Variants in VTCN1 observed in about 807,000 individuals in gnomAD.
VTCN1 encodes the protein V-set domain containing T cell activation inhibitor 1.
A neutral mutation model predicts 26.5 loss-of-function variants in VTCN1; 26 were observed. The ratio of observed to expected loss-of-function variants is 0.98; its 90% CI spans 0.72 to 1.36. The LOEUF (loss-of-function observed/expected upper bound fraction) is 1.36. VTCN1 is among the 40% of genes most tolerant of loss of function. The pLI is 0.00. For synonymous variants in VTCN1, 116 were observed against 130.7 expected, an observed-to-expected ratio of 0.89 and a Z score of 0.77; for missense variants, 298 against 337.7, an observed-to-expected ratio of 0.88 and a Z score of 0.92.
chr1:117,160,954 G>C (rs192325672), intron 2 of VTCN1, among the ~76,000 whole-genome samples: 1 of 152,266 alleles, frequency 6.6e-6, no homozygotes, highest in East Asian at 1.9e-4. Flanking sequence ...ATTATAGCTA[G>C]AAAAGGAGGA....
chr1:117,192,553 A>G (rs949819178), intron 1 of VTCN1, among the ~76,000 whole-genome samples: 5 of 152,218 alleles, frequency 3.3e-5, no homozygotes, highest in African/African-American at 1.2e-4. Flanking sequence ...TATAAAAGTT[A>G]AAAGACAACA....
Position 117,159,870 on chromosome 1 carries a change from T to G in VTCN1, c.98-2949A>C, listed in dbSNP as rs1466632780. 6.6e-6 allele frequency among the ~76,000 whole-genome samples: 1 copy of G among 152,216 alleles called. No individual in the cohort carries two copies. The highest frequency in any genetic ancestry group is 1.5e-5 in the Non-Finnish European group (1 of 68,034). On this transcript the variant is annotated intron_variant, in intron 2 of 5. Transcript: ENST00000369458. This position sits in a 1 kb window ranked among gnomAD's most constrained non-coding sequence, Gnocchi z 4.7. ...AATTCAGTTGATTTTTGGTTTAAAATGAAAGCCACCCTCTCCTCTACTGAC... is the reference window on the plus strand; with the variant it reads ...AATTCAGTTGATTTTTGGTTTAAAAGGAAAGCCACCCTCTCCTCTACTGAC...
chr1:117,180,112 T>A (rs995179423), intron 1 of VTCN1, among the ~76,000 whole-genome samples: 2 of 151,982 alleles, frequency 1.3e-5, no homozygotes, highest in African/African-American at 2.4e-5. Flanking sequence ...TTGAAAAAAA[T>A]TTCTCTCCCC....
At chr1:117,176,124 A>G (rs529732425) in intron 1 of VTCN1, among the ~76,000 whole-genome samples, 1 of 152,300 alleles carries the variant, frequency 6.6e-6, no homozygotes, top group Non-Finnish European at 1.5e-5. Flanking sequence ...ATGGCATGGC[A>G]TAACAAGAGC....
rs1170584748 is a variant in VTCN1, at chr1:117,169,604, G to A, written c.97+503C>T. Among the ~76,000 whole-genome samples, 1 of 152,162 alleles carries A rather than the reference G, an allele frequency of 6.6e-6. No homozygotes were observed. Among genetic ancestry groups the A allele is most frequent in the East Asian group, 1.9e-4 (1 of 5,184 alleles). On this transcript the variant is annotated intron_variant, in intron 2 of 5. Coordinates refer to ENST00000369458, the MANE Select transcript of VTCN1 (RefSeq NM_024626.4). This position sits in a 1 kb window ranked among gnomAD's most constrained non-coding sequence, Gnocchi z 4.0. ...CAGTATCTCCCCACTCAAAAATGAG[G>A]AAACTAGCCTGGGCACGGTGGCTCA...
At chr1:117,176,546 CCTT>C (rs1647364043) in intron 1 of VTCN1, among the ~76,000 whole-genome samples, 1 of 152,204 alleles carries the variant, frequency 6.6e-6, no homozygotes, top group African/African-American at 2.4e-5. Flanking sequence ...GTTTCTGCCT[CCTT>C]CTCAAATACT....
rs144508898 is a variant in VTCN1 at position 117,156,661 on chromosome 1, C to T, written c.358G>A (p.Val120Met). ...VGNASLRLKN[V>M]QLTDAGTYKC... Reference sequence around the variant, plus strand: ...TAGGTGCCAGCATCTGTGAGTTGCACGTTTTTCAGCCGCAAAGAGGCATTG... The same window carrying T: ...TAGGTGCCAGCATCTGTGAGTTGCATGTTTTTCAGCCGCAAAGAGGCATTG... The change falls in exon 3 of 6, where the codon GTG becomes ATG. Residue 120 changes from valine (V) to methionine (M), a missense_variant. Val to Met is a conservative substitution (Grantham distance 21). Coordinates refer to ENST00000369458, the MANE Select transcript of VTCN1 (RefSeq NM_024626.4). 5.0e-5 allele frequency: 81 copies of T among 1,614,102 alleles called. No individual in the cohort carries two copies. The highest frequency in any genetic ancestry group is 2.9e-4 in the South Asian group (26 of 91,082).
At chr1:117,185,065 TAGGATA>T (rs1647868664) in intron 1 of VTCN1, among the ~76,000 whole-genome samples, 2 of 152,168 alleles carry the variant, frequency 1.3e-5, no homozygotes, top group South Asian at 4.1e-4. Context: ...CTTAAGAAGT[TAGGATA>T]AATAACTAGC....
intron 4 of VTCN1, among the ~76,000 whole-genome samples, chr1:117,150,071 G>C (rs1388147904): frequency 6.6e-6 from 1 of 152,150 alleles, no homozygotes; most frequent in Non-Finnish European, 1.5e-5. Flanking sequence ...CTTTTTACTG[G>C]GAACTGGACT....
intron 4 of VTCN1, among the ~76,000 whole-genome samples, chr1:117,149,742 A>G (rs1057155708): frequency 1.3e-5 from 2 of 152,232 alleles, no homozygotes; most frequent in Non-Finnish European, 2.9e-5. Flanking sequence ...CACACAATAG[A>G]TATTTGTTAA....
Position 117,169,827 on chromosome 1 carries a change from G to A in VTCN1, c.97+280C>T, listed in dbSNP as rs1652805071. 6.6e-6 allele frequency among the ~76,000 whole-genome samples: 1 copy of A among 152,106 alleles called. No individual in the cohort carries two copies. The highest frequency in any genetic ancestry group is 2.1e-4 in the South Asian group (1 of 4,822). The stretch of plus-strand genomic sequence containing the variant: ...AGAGGATGGCTTGAACCCAGGAGGT[G>A]GAGGTTGCAGTAAGCTGAGATCATG... On this transcript the variant is annotated intron_variant, in intron 2 of 5. Coordinates refer to ENST00000369458, the MANE Select transcript of VTCN1 (RefSeq NM_024626.4). The surrounding 1 kb of genome is among the most constrained non-coding windows in gnomAD (Gnocchi z 4.0).
chr1:117,188,703 A>C (rs1483375812), intron 1 of VTCN1, among the ~76,000 whole-genome samples: 1 of 152,156 alleles, frequency 6.6e-6, no homozygotes, highest in East Asian at 1.9e-4. Flanking sequence ...TACTATACCA[A>C]AATATGTCCA....
chr1:117,153,253 C>A lies in VTCN1; in HGVS notation c.562G>T (p.Gly188Ter). The A allele has an allele frequency of 6.2e-7, 1 of 1,614,100 alleles. No individual in the cohort carries two copies. The highest frequency in any genetic ancestry group is 1.1e-5 in the South Asian group (1 of 91,080). ...TTGGAGACTTCCGAGAAGTTGGCTC[C>A]CTGGTCAACTTGGGATGCCCAGACC... ...TVVWASQVDQ[G>*]ANFSEVSNTS... The change falls in exon 4 of 6, where the codon GGA becomes TGA. Residue 188 changes from glycine (G) to a stop codon, truncating the protein, a stop_gained. Transcript: ENST00000369458. LOFTEE classifies it high-confidence loss of function.
rs373428649 is a variant in VTCN1, at chr1:117,147,790, G to A, written c.725-8C>T. On this transcript the variant is annotated splice_region_variant and splice_polypyrimidine_tract_variant and intron_variant, in intron 4 of 5. Transcript: ENST00000369458. The surrounding 1 kb of genome is among the most constrained non-coding windows in gnomAD (Gnocchi z 4.6). ...GCCTTTTGATCTCCGATTCTGTGAA[G>A]TGAGAGAAAAAGTTTAGGGTCATAC... 168 of 1,612,526 alleles carry A rather than the reference G, an allele frequency of 1.0e-4. No individual in the cohort carries two copies. The South Asian group carries it at 1.8e-3, about 17-fold the overall frequency.
rs1408818899 is a variant in VTCN1, at chr1:117,144,015, C to T, written c.*1256G>A. ...GAAGATAATCCCATCAGGCATTTCC[C>T]ATAGGCCTTGTCAACTCTGTTCACT... On this transcript the variant is annotated 3_prime_UTR_variant, in exon 6 of 6. Coordinates refer to ENST00000369458, the MANE Select transcript of VTCN1 (RefSeq NM_024626.4). The T allele has an allele frequency of 1.3e-5, 2 of 152,188 alleles. No individual in the cohort carries two copies. The highest frequency in any genetic ancestry group is 4.8e-5 in the African/African-American group (2 of 41,436). The allele number at this position is 152,188 out of a possible 1,614,324, so 9.4% of individuals were successfully genotyped here.
At chr1:117,193,944 C>T (rs1423605583) in intron 1 of VTCN1, among the ~76,000 whole-genome samples, 1 of 152,076 alleles carries the variant, frequency 6.6e-6, no homozygotes, top group East Asian at 1.9e-4. Context: ...AAAAAGCTCC[C>T]TTTGATGTTG....
chr1:117,193,786 G>C (rs1366837806), intron 1 of VTCN1, among the ~76,000 whole-genome samples: 1 of 152,082 alleles, frequency 6.6e-6, no homozygotes, highest in Non-Finnish European at 1.5e-5. Flanking sequence ...AACAGCAGCA[G>C]CAATAAATGG....
intron 1 of VTCN1, among the ~76,000 whole-genome samples, chr1:117,197,674 G>A (rs1003410158): frequency 7.2e-5 from 11 of 152,074 alleles, no homozygotes; most frequent in Admixed American, 6.6e-4. Context: ...ACCCTGTGGA[G>A]CATTATTTCA....
In VTCN1 at chr1:117,155,217, T is replaced by C. The variant is rs1485280738; in HGVS notation, c.445+1357A>G. 2.6e-5 allele frequency among the ~76,000 whole-genome samples: 4 copies of C among 152,196 alleles called. No individual in the cohort carries two copies. The highest frequency in any genetic ancestry group is 7.2e-5 in the African/African-American group (3 of 41,448). On this transcript the variant is annotated intron_variant, in intron 3 of 5. Transcript: ENST00000369458. The surrounding 1 kb of genome is among the most constrained non-coding windows in gnomAD (Gnocchi z 4.8). ...GAAGAGCACAGGAGGTAAAGTGCCC[T>C]TCCCATCACATTATATCAGAAGGTA...
Sources: allele counts gnomAD v4.1 joint callset (sites outside exome capture counted in the v4.1 genomes callset), GRCh38; gene constraint gnomAD v4.1.1; non-coding constraint Gnocchi (gnomAD v3.1); transcripts MANE v1.5; gene names NCBI Gene and HGNC (gene_info 2026-07-23, HGNC 2026-07-21).